Variants in MLIP observed in about 807,000 individuals in gnomAD.
MLIP encodes the protein muscular LMNA interacting protein.
In MLIP, 79 loss-of-function variants were observed where a neutral mutation model predicts 84.8. That is an observed-to-expected ratio of 0.93 (90% CI 0.78 to 1.12). MLIP has a LOEUF of 1.12. Ranked by LOEUF, MLIP falls within the 50% of genes most tolerant of loss-of-function variation. MLIP has a pLI of 0.00. For missense variants in MLIP, 1,257 were observed against 1,160.6 expected (o/e 1.08, Z -1.21); for synonymous variants, 504 against 463.0 (o/e 1.09, Z -1.14).
At chr6:54,205,932 C>T (rs1779007404) in intron 11 of MLIP, among the ~76,000 whole-genome samples, 2 of 152,072 alleles carry the variant, frequency 1.3e-5, no homozygotes, top group South Asian at 4.1e-4. Context: ...TCACACTTTG[C>T]CATAAATCTA....
At chr6:54,199,297 A>G (rs954748212) in intron 10 of MLIP, among the ~76,000 whole-genome samples, 1 of 152,108 alleles carries the variant, frequency 6.6e-6, no homozygotes, top group Non-Finnish European at 1.5e-5. Flanking sequence ...CACACCAAAC[A>G]TGGATTTAAA....
At chr6:54,242,478 T>C (rs1374575765) in intron 12 of MLIP, among the ~76,000 whole-genome samples, 2 of 152,172 alleles carry the variant, frequency 1.3e-5, no homozygotes, top group Non-Finnish European at 2.9e-5. Flanking sequence ...TAGTCATATA[T>C]TCAAGCATGG....
At chr6:54,234,405 T>C (rs1242209999) in intron 12 of MLIP, among the ~76,000 whole-genome samples, 1 of 152,188 alleles carries the variant, frequency 6.6e-6, no homozygotes, top group East Asian at 1.9e-4. Context: ...CACTAAGCTT[T>C]CTGGGATTGT....
chr6:54,205,729 C>A (rs780636055), intron 11 of MLIP, among the ~76,000 whole-genome samples: 3 of 152,088 alleles, frequency 2.0e-5, no homozygotes, highest in Non-Finnish European at 2.9e-5. Context: ...ACTTTTACAT[C>A]AAAGTGGCAT....
intron 1 of MLIP, chr6:54,063,453 T>C (rs919611133): frequency 2.0e-5 from 3 of 152,116 alleles, no homozygotes; most frequent in African/African-American, 7.2e-5. Context: ...CAGGAAACAT[T>C]TTGGATGTGA....
chr6:54,139,877 A>G (rs1322289690), intron 4 of MLIP, among the ~76,000 whole-genome samples: 1 of 152,150 alleles, frequency 6.6e-6, no homozygotes, highest in African/African-American at 2.4e-5. Flanking sequence ...TTATTAAGGA[A>G]TTATAACCAG....
intron 11 of MLIP, among the ~76,000 whole-genome samples, chr6:54,221,598 A>G (rs1234005612): frequency 6.6e-6 from 1 of 152,136 alleles, no homozygotes; most frequent in Non-Finnish European, 1.5e-5. Context: ...TTAGAATATG[A>G]AAAACCAAAA....
intron 12 of MLIP, among the ~76,000 whole-genome samples, chr6:54,253,365 T>C (rs1782771774): frequency 6.6e-6 from 1 of 152,032 alleles, no homozygotes; most frequent in African/African-American, 2.4e-5. Context: ...TGGTTGAACA[T>C]AAAAGCAATC....
chr6:54,201,570 T>C (rs964516549), intron 10 of MLIP, among the ~76,000 whole-genome samples: 65 of 152,316 alleles, frequency 4.3e-4, no homozygotes, highest in African/African-American at 1.5e-3. Flanking sequence ...TTCCACGTTA[T>C]TGGGAGAGAC....
At chr6:54,248,546 T>C (rs1194786366) in intron 12 of MLIP, among the ~76,000 whole-genome samples, 1 of 152,088 alleles carries the variant, frequency 6.6e-6, no homozygotes, top group Non-Finnish European at 1.5e-5. Flanking sequence ...AAGTCAACAA[T>C]AGGATGTGGT....
At chr6:54,077,934 G>A (rs570227312) in intron 1 of MLIP, among the ~76,000 whole-genome samples, 1 of 152,168 alleles carries the variant, frequency 6.6e-6, no homozygotes, top group South Asian at 2.1e-4. Flanking sequence ...TTTACATGCC[G>A]GTCAAAATCA....
chr6:54,149,542 A>G (rs1773216742), intron 5 of MLIP, among the ~76,000 whole-genome samples: 1 of 152,152 alleles, frequency 6.6e-6, no homozygotes, highest in Admixed American at 6.6e-5. Context: ...TTGACTGGTA[A>G]AGACTTGGTG....
At position 54,202,098 on chromosome 6, in the gene MLIP, C is replaced by CA; in HGVS notation, c.2590-6dup. ...GTTTTTAAAATATTTATTTTACATTCATGAAGACTAAGCCTGGAGTAATTC... is the reference window on the plus strand; with the variant it reads ...GTTTTTAAAATATTTATTTTACATTCAATGAAGACTAAGCCTGGAGTAATTC... On this transcript the variant is annotated splice_polypyrimidine_tract_variant and splice_region_variant and intron_variant, in intron 10 of 13. Coordinates refer to ENST00000502396, the MANE Select transcript of MLIP (RefSeq NM_001281747.2). 6.4e-7 allele frequency: 1 copy of CA among 1,551,162 alleles called. No individual in the cohort carries two copies. The highest frequency in any genetic ancestry group is 8.7e-7 in the Non-Finnish European group (1 of 1,148,856).
Position 54,172,117 on chromosome 6 carries a change from A to T in MLIP, c.2544+2545A>T, listed in dbSNP as rs80244868. Among the ~76,000 whole-genome samples the T allele has an allele frequency of 1.2e-3, 186 of 151,758 alleles. 3 individuals carry two copies. In the East Asian group the frequency reaches 0.033, roughly 27 times the overall value. Reference sequence around the variant, plus strand: ...TTTTGTTACACTTGAGGATATCCTGAACAAGTTAGTACTGACTACTGAAAA... The same window carrying T: ...TTTTGTTACACTTGAGGATATCCTGTACAAGTTAGTACTGACTACTGAAAA... On this transcript the variant is annotated intron_variant, in intron 9 of 13. Coordinates refer to ENST00000502396, the MANE Select transcript of MLIP (RefSeq NM_001281747.2).
intron 8 of MLIP, among the ~76,000 whole-genome samples, chr6:54,169,198 G>A (rs1409697390): frequency 2.6e-5 from 4 of 151,492 alleles, no homozygotes; most frequent in Non-Finnish European, 5.9e-5. Context: ...TTGTAATTGA[G>A]GAGCTCAAAA....
At chr6:54,194,405 C>T (rs1036553689) in intron 10 of MLIP, among the ~76,000 whole-genome samples, 4 of 152,122 alleles carry the variant, frequency 2.6e-5, no homozygotes, top group African/African-American at 9.7e-5. Flanking sequence ...ATGCTATCAT[C>T]TTTTATTTAA....
chr6:54,238,133 A>C (rs185402899), intron 12 of MLIP, among the ~76,000 whole-genome samples: 3 of 152,098 alleles, frequency 2.0e-5, no homozygotes, highest in East Asian at 1.9e-4. Flanking sequence ...ACTGGAGTCC[A>C]TTTTCTATTT....
intron 10 of MLIP, among the ~76,000 whole-genome samples, chr6:54,193,577 G>A (rs1162451070): frequency 6.6e-6 from 1 of 152,124 alleles, no homozygotes; most frequent in Non-Finnish European, 1.5e-5. Flanking sequence ...TAAGAAAAGA[G>A]TAATTAAGGA....
intron 5 of MLIP, among the ~76,000 whole-genome samples, chr6:54,156,928 G>T (rs1774091278): frequency 6.6e-6 from 1 of 152,144 alleles, no homozygotes. Context: ...AACAGGGAAT[G>T]GCTGACTTTG....
Sources: gnomAD v4.1 joint callset for allele counts (sites outside exome capture counted in the v4.1 genomes callset) on GRCh38, gnomAD v4.1.1 for gene constraint, MANE v1.5 for transcripts, NCBI Gene and HGNC (gene_info 2026-07-23, HGNC 2026-07-21) for gene names.